The following KIF15 variants were observed in gnomAD, a reference collection of about 807,000 sequenced individuals.
The protein encoded by KIF15 is kinesin-like protein KIF15.
In KIF15, 140 loss-of-function variants were observed where a neutral mutation model predicts 190.6. The ratio of observed to expected loss-of-function variants is 0.73; its 90% CI spans 0.64 to 0.84. The LOEUF is 0.84. Among genes scored for constraint, KIF15 ranks in the 40% least tolerant of loss-of-function variants. KIF15 has a pLI of 0.00. For missense variants in KIF15, 1,372 were observed against 1,584.4 expected (o/e 0.87, Z 2.28); for synonymous variants, 528 against 551.3 (o/e 0.96, Z 0.59).
intron 20 of KIF15, among the ~76,000 whole-genome samples, chr3:44,823,516 C>T (rs890674713): frequency 3.3e-5 from 5 of 152,174 alleles, no homozygotes; most frequent in African/African-American, 4.8e-5. Context: ...GCTCAAACAC[C>T]GTGTTGGGAG....
intron 20 of KIF15, among the ~76,000 whole-genome samples, chr3:44,818,311 G>C (rs1249750929): frequency 6.6e-6 from 1 of 152,164 alleles, no homozygotes; most frequent in Non-Finnish European, 1.5e-5. Flanking sequence ...GGGCATCCCT[G>C]TCTTGTGCCA....
chr3:44,852,225 G>T lies in KIF15; in HGVS notation c.3990G>T (p.Arg1330Ser). 4.3e-6 allele frequency: 7 copies of T among 1,612,480 alleles called. No individual in the cohort carries two copies. The highest frequency in any genetic ancestry group is 5.9e-6 in the Non-Finnish European group (7 of 1,179,146). ...ACCTGCAGGAGATGGAAATGTTAAG[G>T]AAGCAGGTGGAGTGTCTTGCTGAGG... ...ERTSQEMEML[R>S]KQVECLAEEN... The change falls in exon 34 of 35, where the codon AGG becomes AGT. Residue 1330 changes from arginine to serine, a missense_variant. Coordinates refer to ENST00000326047, the MANE Select transcript of KIF15 (RefSeq NM_020242.3).
At chr3:44,800,236 A>G in intron 10 of KIF15, 78 bp from the exon 11 acceptor site, 1 of 1,387,074 alleles carries the variant, frequency 7.2e-7, no homozygotes, top group Non-Finnish European at 1.0e-6. Context: ...ACTACAAATC[A>G]TACCAAACAA....
In KIF15 at chr3:44,807,695, G is replaced by GGTGT. The variant is rs143004356; in HGVS notation, c.1971+1728_1971+1731dup. 3.3e-3 allele frequency among the ~76,000 whole-genome samples: 495 copies of GGTGT among 149,232 alleles called. 3 individuals are homozygous for GGTGT. Among genetic ancestry groups the GGTGT allele is most frequent in the African/African-American group, 0.011 (436 of 40,850 alleles). ...CATACACATCATTCTACAGCTTGAG[G>GGTGT]GTGTGTGTGTGTGTGTGTGTGTTTT... On this transcript the variant is annotated intron_variant, in intron 16 of 34. Transcript: ENST00000326047.
At chr3:44,799,106 A>G (rs2125633005) in intron 10 of KIF15, 2 of 319,892 alleles carry the variant, frequency 6.3e-6, no homozygotes, top group East Asian at 1.0e-4. Context: ...AAGATTTACT[A>G]GAAGTCTTTG....
intron 5 of KIF15, among the ~76,000 whole-genome samples, chr3:44,782,878 C>A (rs909574896): frequency 5.9e-5 from 9 of 152,150 alleles, no homozygotes; most frequent in African/African-American, 2.2e-4. Flanking sequence ...GGATAAGGGG[C>A]TGGTAGCATG....
intron 14 of KIF15, among the ~76,000 whole-genome samples, chr3:44,803,710 A>G (rs1707376237): frequency 6.6e-6 from 1 of 152,252 alleles, no homozygotes; most frequent in Non-Finnish European, 1.5e-5. Flanking sequence ...TTCTGCATTC[A>G]TAAAGAAGAC....
At chr3:44,833,280 G>T (rs1394084727) in intron 26 of KIF15, among the ~76,000 whole-genome samples, 2 of 152,082 alleles carry the variant, frequency 1.3e-5, no homozygotes, top group Admixed American at 6.6e-5. Context: ...TAGACCAGGA[G>T]TGTGAGGGGG....
chr3:44,771,630 G>A (rs373356047), intron 1 of KIF15, among the ~76,000 whole-genome samples: 12 of 152,188 alleles, frequency 7.9e-5, no homozygotes, highest in Admixed American at 2.0e-4. Context: ...CCAGATTACC[G>A]TAAGTTATTT....
chr3:44,851,857 C>A lies in KIF15; in HGVS notation c.3877C>A (p.Arg1293=), dbSNP rs964461953. The stretch of plus-strand genomic sequence containing the variant: ...CCTTAGAATGACTGATGAAGTCGAA[C>A]GAACCCAAACTTTGGAGTCTAAAGC... ...ECLRMTDEVE[R]TQTLESKAFQ... The change falls in exon 33 of 35, where the codon CGA becomes AGA. Residue 1293 remains arginine (R), a synonymous_variant. Coordinates refer to ENST00000326047, the MANE Select transcript of KIF15 (RefSeq NM_020242.3). 2.5e-6 allele frequency: 4 copies of A among 1,613,922 alleles called. No homozygotes were observed. The African/African-American group carries it at 5.3e-5, about 22-fold the overall frequency.
intron 1 of KIF15, among the ~76,000 whole-genome samples, chr3:44,764,327 A>G (rs1026177140): frequency 9.2e-5 from 14 of 152,064 alleles, no homozygotes; most frequent in Non-Finnish European, 1.8e-4. Context: ...TTTTGCTTCT[A>G]TTCTTGAACT....
chr3:44,861,987 C>A (rs1426431620), intron 6 of KIF15: 2 of 1,382,544 alleles, frequency 1.4e-6, no homozygotes, highest in Non-Finnish European at 1.9e-6. Flanking sequence ...CTGACACCCC[C>A]GCGGAATTCC....
intron 20 of KIF15, among the ~76,000 whole-genome samples, chr3:44,817,032 GT>G (rs201158342): frequency 2.7e-5 from 4 of 148,266 alleles, no homozygotes; most frequent in African/African-American, 7.4e-5. Flanking sequence ...CTGCATAAAT[GT>G]TTTTTTTTTG....
At chr3:44,862,756 T>C (rs1699272915) in intron 6 of KIF15, 1 of 151,988 alleles carries the variant, frequency 6.6e-6, no homozygotes. Context: ...TAGACCAGCC[T>C]CTGCTTGCTA....
intron 8 of KIF15, 98 bp downstream of exon 8, chr3:44,794,524 C>G: frequency 2.3e-6 from 2 of 859,612 alleles, no homozygotes. Context: ...TGAGGAACTG[C>G]ATTTATGATG....
In KIF15 at chr3:44,826,023, T is replaced by A; in HGVS notation, c.2550-16T>A. On this transcript the variant is annotated splice_polypyrimidine_tract_variant and intron_variant, in intron 20 of 34. Coordinates refer to ENST00000326047, the MANE Select transcript of KIF15 (RefSeq NM_020242.3). Reference sequence around the variant, plus strand: ...AAATGTTTATTTACCATTTTTAAAATGTTTTCCTTATAAAGGTTAGAAAAC... The same window carrying A: ...AAATGTTTATTTACCATTTTTAAAAAGTTTTCCTTATAAAGGTTAGAAAAC... The A allele has an allele frequency of 6.4e-7, 1 of 1,568,140 alleles. No individual in the cohort carries two copies. Among genetic ancestry groups the A allele is most frequent in the Non-Finnish European group, 8.6e-7 (1 of 1,163,532 alleles).
Position 44,800,305 on chromosome 3 carries a change from C to G in KIF15, c.1099-9C>G. On this transcript the variant is annotated splice_polypyrimidine_tract_variant and intron_variant, in intron 10 of 34. Coordinates refer to ENST00000326047, the MANE Select transcript of KIF15 (RefSeq NM_020242.3). ...TTATTTTAATGCTTTTTAAAAAATT[C>G]CTGAACAGGCAGTAGTAAATGAAGA... The G allele has an allele frequency of 6.2e-7, 1 of 1,612,786 alleles. No individual in the cohort carries two copies. Among genetic ancestry groups the G allele is most frequent in the Non-Finnish European group, 8.5e-7 (1 of 1,179,540 alleles).
At chr3:44,777,121 AT>A (rs200605671) in intron 3 of KIF15, among the ~76,000 whole-genome samples, 1 of 149,580 alleles carries the variant, frequency 6.7e-6, no homozygotes, top group Non-Finnish European at 1.5e-5. Flanking sequence ...TGCTTGGCTA[AT>A]TTTTTTTTCA....
chr3:44,864,142 G>C (rs1388149476), intron 6 of KIF15: 2 of 1,608,756 alleles, frequency 1.2e-6, no homozygotes, highest in Non-Finnish European at 1.7e-6. Context: ...CTTTGAGGGG[G>C]TCTGCAGGTT....
Sources: allele counts gnomAD v4.1 joint callset (sites outside exome capture counted in the v4.1 genomes callset), GRCh38; gene constraint gnomAD v4.1.1; transcripts MANE v1.5; gene names NCBI Gene and HGNC (gene_info 2026-07-23, HGNC 2026-07-21).